The following RFX3 variants were observed in gnomAD, a reference collection of about 807,000 sequenced individuals.
RFX3 encodes the protein regulatory factor X3, also known as transcription factor RFX3.
Under a neutral mutation model 98.6 loss-of-function variants are expected in RFX3, and 14 were observed. That is an observed-to-expected ratio of 0.14 (90% CI 0.09 to 0.22). The LOEUF (loss-of-function observed/expected upper bound fraction) is 0.22. Ranked by LOEUF, RFX3 falls within the 10% of genes least tolerant of loss-of-function variation. The probability of loss-of-function intolerance (pLI) is 1.00; values close to 1 mark genes in which losing one functional copy is unlikely to be tolerated. For missense variants in RFX3, 639 were observed against 926.9 expected, an observed-to-expected ratio of 0.69 and a Z score of 4.03; for synonymous variants, 383 against 328.4, an observed-to-expected ratio of 1.17 and a Z score of -1.80.
intron 1 of RFX3, among the ~76,000 whole-genome samples, chr9:3,451,362 A>C (rs528035209): frequency 8.9e-4 from 135 of 152,260 alleles, no homozygotes; most frequent in Non-Finnish European, 1.4e-3. Context: ...CCTAGGCAAC[A>C]TGGTGAAACC....
At chr9:3,420,549 TAA>T (rs1473994368) in intron 1 of RFX3, among the ~76,000 whole-genome samples, 1 of 152,202 alleles carries the variant, frequency 6.6e-6, no homozygotes, top group Non-Finnish European at 1.5e-5. Flanking sequence ...TGAAAAAGGT[TAA>T]GAGACTTGTC....
intron 7 of RFX3, among the ~76,000 whole-genome samples, chr9:3,281,818 T>G (rs1825948442): frequency 6.6e-6 from 1 of 151,802 alleles, no homozygotes; most frequent in South Asian, 2.1e-4. Context: ...AGTAATATTC[T>G]GTCAATCCCA....
intron 1 of RFX3, among the ~76,000 whole-genome samples, chr9:3,506,609 T>A (rs1394349942): frequency 6.6e-6 from 1 of 151,868 alleles, no homozygotes; most frequent in African/African-American, 2.4e-5. Flanking sequence ...CTTCTGAAAG[T>A]AAGATATTAG....
At chr9:3,499,860 A>T (rs1209099633) in intron 1 of RFX3, among the ~76,000 whole-genome samples, 1 of 152,128 alleles carries the variant, frequency 6.6e-6, no homozygotes, top group African/African-American at 2.4e-5. Context: ...TTGGAAAGTT[A>T]ATTTTTTTTA....
intron 15 of RFX3, among the ~76,000 whole-genome samples, chr9:3,232,536 A>G (rs967705146): frequency 6.6e-6 from 1 of 152,188 alleles, no homozygotes; most frequent in African/African-American, 2.4e-5. Flanking sequence ...CTCTTCATAA[A>G]TGTATCCCAC....
intron 4 of RFX3, among the ~76,000 whole-genome samples, chr9:3,316,729 A>G (rs552575680): frequency 6.4e-4 from 97 of 150,602 alleles, no homozygotes; most frequent in African/African-American, 2.2e-3. Flanking sequence ...CTATACACCA[A>G]TGACAGAGAG....
At chr9:3,396,259 C>T (rs1049013713) in intron 1 of RFX3, among the ~76,000 whole-genome samples, 5 of 151,796 alleles carry the variant, frequency 3.3e-5, no homozygotes, top group Non-Finnish European at 5.9e-5. Context: ...TCTCATTGTT[C>T]AATTCCCACC....
At chr9:3,300,537 T>G (rs1315077797) in intron 5 of RFX3, among the ~76,000 whole-genome samples, 1 of 151,804 alleles carries the variant, frequency 6.6e-6, no homozygotes, top group East Asian at 1.9e-4. Flanking sequence ...GTAAAAGTTT[T>G]AGGTTTATTG....
chr9:3,395,666 T>C, intron 1 of RFX3, 70 bp from the exon 2 acceptor site: 1 of 1,540,396 alleles, frequency 6.5e-7, no homozygotes. Flanking sequence ...TTACAATTGT[T>C]CTTAAAATCC....
intron 1 of RFX3, among the ~76,000 whole-genome samples, chr9:3,457,139 C>CA (rs1169959832): frequency 0.095 from 2,163 of 22,688 alleles, 490 homozygotes; most frequent in Non-Finnish European, 0.12. Context: ...GACTCCATCT[C>CA]AAAAAAAAAA....
chr9:3,451,205 G>A (rs1008141256), intron 1 of RFX3, among the ~76,000 whole-genome samples: 1 of 152,074 alleles, frequency 6.6e-6, no homozygotes, highest in African/African-American at 2.4e-5. Context: ...CTGTAGTACT[G>A]GATTATAACC....
At chr9:3,231,215 T>TAG (rs894669765) in intron 15 of RFX3, among the ~76,000 whole-genome samples, 1 of 152,040 alleles carries the variant, frequency 6.6e-6, no homozygotes, top group East Asian at 1.9e-4. Context: ...GTACAGCAAA[T>TAG]AGAGAGAGTA....
chr9:3,394,692 A>T, intron 2 of RFX3: 1 of 320,024 alleles, frequency 3.1e-6, no homozygotes, highest in Non-Finnish European at 4.5e-6. Flanking sequence ...AACGTTTGCT[A>T]AAGAGTCTCT....
At chr9:3,465,028 G>A (rs1284844531) in intron 1 of RFX3, among the ~76,000 whole-genome samples, 1 of 151,958 alleles carries the variant, frequency 6.6e-6, no homozygotes, top group East Asian at 1.9e-4. Flanking sequence ...TGATATATAA[G>A]GACCTGTTCC....
At chr9:3,386,969 A>C (rs979422328) in intron 2 of RFX3, among the ~76,000 whole-genome samples, 3 of 152,176 alleles carry the variant, frequency 2.0e-5, no homozygotes, top group African/African-American at 7.2e-5. Context: ...GCTCTTGTGC[A>C]ACACTGTTCC....
intron 3 of RFX3, among the ~76,000 whole-genome samples, chr9:3,332,236 T>G (rs1289554497): frequency 6.6e-5 from 10 of 152,184 alleles, no homozygotes; most frequent in Non-Finnish European, 1.3e-4. Flanking sequence ...TTTTTCAGAT[T>G]TTGGAATATT....
intron 14 of RFX3, among the ~76,000 whole-genome samples, chr9:3,249,038 G>A (rs539194224): frequency 6.6e-6 from 1 of 152,206 alleles, no homozygotes; most frequent in East Asian, 1.9e-4. Flanking sequence ...ATGTGTGTGT[G>A]TGAGTGTGTG....
In RFX3 at chr9:3,395,557, C is replaced by T. The variant is rs1840771216; in HGVS notation, c.32G>A (p.Gly11Asp). The change falls in exon 2 of 17, where the codon GGC (glycine) becomes GAC (aspartate). Residue 11 changes from glycine (G) to aspartate (D), a missense_variant. Physicochemically the swap from Gly to Asp is moderately conservative, Grantham distance 94. Transcript: ENST00000617270. MQTSETGSDT[G>D]STVTLQTSVA... ...AGATGTTTGTAAGGTCACTGTCGAG[C>T]CTGTGTCCGACCCAGTCTCTGATGT... is the stretch of plus-strand genomic sequence containing the variant. 6.2e-7 allele frequency: 1 copy of T among 1,613,960 alleles called. No individual in the cohort carries two copies. Among genetic ancestry groups the T allele is most frequent in the South Asian group, 1.1e-5 (1 of 91,074 alleles).
intron 2 of RFX3, among the ~76,000 whole-genome samples, chr9:3,361,555 G>T (rs1027665709): frequency 3.3e-5 from 5 of 151,290 alleles, no homozygotes; most frequent in African/African-American, 9.7e-5. Flanking sequence ...ACTTTGGGAG[G>T]CTACGGTATT....
Sources: allele counts gnomAD v4.1 joint callset (sites outside exome capture counted in the v4.1 genomes callset), GRCh38; gene constraint gnomAD v4.1.1; transcripts MANE v1.5; gene names NCBI Gene and HGNC (gene_info 2026-07-23, HGNC 2026-07-21).